The following CYLC1 variants were observed in gnomAD, a reference collection of about 807,000 sequenced individuals.
CYLC1 encodes cylicin 1, also known as cylicin-1.
A neutral mutation model predicts 31.6 loss-of-function variants in CYLC1; 2 were observed. That is an observed-to-expected ratio of 0.06 (90% CI 0.03 to 0.20). The LOEUF (loss-of-function observed/expected upper bound fraction) is 0.20. Ranked by LOEUF, CYLC1 falls within the 10% of genes least tolerant of loss-of-function variation. The pLI is 1.00. For synonymous variants in CYLC1, 185 were observed against 153.0 expected, an observed-to-expected ratio of 1.21 and a Z score of -1.54; for missense variants, 595 against 424.1, an observed-to-expected ratio of 1.40 and a Z score of -3.54.
intron 1 of CYLC1, among the ~76,000 whole-genome samples, chrX:83,867,962 T>C (rs1304911498): frequency 9.0e-6 from 1 of 111,536 alleles, no homozygotes; most frequent in Admixed American, 9.6e-5. Flanking sequence ...TGTCTAAGTT[T>C]GAGGATTAAA....
Position 83,873,326 on chromosome X carries a change from C to G in CYLC1, c.618C>G (p.Ser206=). The stretch of plus-strand genomic sequence containing the variant: ...AAGATAAGAAAGATTCAAAGAATTC[C>G]AAGAAGACAAACACTGAATTCCTAC... ...SQKDKKDSKN[S]KKTNTEFLHT... is the part of the protein sequence containing the mutation. Residue 206 remains serine (S), a synonymous_variant, in exon 4 of 5, where the codon TCC becomes TCG. Coordinates refer to ENST00000329312, the MANE Select transcript of CYLC1 (RefSeq NM_021118.3). The G allele has an allele frequency of 8.3e-7, 1 of 1,203,230 alleles. No individual in the cohort carries two copies. Among genetic ancestry groups the G allele is most frequent in the South Asian group, 1.8e-5 (1 of 55,877 alleles).
intron 4 of CYLC1, among the ~76,000 whole-genome samples, chrX:83,883,084 T>A (rs1329796619): frequency 9.0e-6 from 1 of 111,457 alleles, no homozygotes; most frequent in Non-Finnish European, 1.9e-5. Flanking sequence ...ATTACTGCCT[T>A]ATGCCTTCAT....
intron 4 of CYLC1, among the ~76,000 whole-genome samples, chrX:83,879,334 C>A (rs2031877308): frequency 9.1e-6 from 1 of 109,311 alleles, no homozygotes; most frequent in African/African-American, 3.4e-5. Context: ...TACACCATTT[C>A]CTTGTACAAG....
At chrX:83,878,324 TATATAAATATATATATAA>T (rs1475359031) in intron 4 of CYLC1, among the ~76,000 whole-genome samples, 3 of 46,701 alleles carry the variant, frequency 6.4e-5, no homozygotes, top group Non-Finnish European at 7.0e-5. Context: ...TATATATAAA[TATATAAATATATATATAA>T]ATATATAAAT....
At chrX:83,868,607 T>C (rs897605709) in intron 1 of CYLC1, among the ~76,000 whole-genome samples, 2 of 111,102 alleles carry the variant, frequency 1.8e-5, no homozygotes, top group African/African-American at 6.5e-5. Flanking sequence ...AATCACACTT[T>C]TCCCCTTGTA....
At chrX:83,865,448 T>A (rs889019698) in intron 1 of CYLC1, among the ~76,000 whole-genome samples, 3 of 111,949 alleles carry the variant, frequency 2.7e-5, no homozygotes, top group Middle Eastern at 4.6e-3. Flanking sequence ...TTATTTAGAT[T>A]ATTGCAAAAA....
Position 83,873,527 on chromosome X carries a change from A to C in CYLC1, c.819A>C (p.Ser273=), listed in dbSNP as rs1022918879. The part of the protein sequence containing the change: ...AWLRNYSQNN[S]KNYSLKYTKY... ...TAAGGAATTACTCACAGAATAATTC[A>C]AAGAATTATTCTTTGAAGTATACAA... The change falls in exon 4 of 5, where the codon TCA becomes TCC. Residue 273 remains serine, a synonymous_variant. Transcript: ENST00000329312. 3 of 1,192,490 alleles carry C rather than the reference A, an allele frequency of 2.5e-6. No homozygotes were observed. The Admixed American group carries it at 6.7e-5, about 27-fold the overall frequency.
In CYLC1 at chrX:83,874,144, A is replaced by C; in HGVS notation, c.1436A>C (p.Lys479Thr). 5 of 1,203,111 alleles carry C rather than the reference A, an allele frequency of 4.2e-6. No individual in the cohort carries two copies. Among genetic ancestry groups the C allele is most frequent in the Non-Finnish European group, 5.6e-6 (5 of 891,992 alleles). The change falls in exon 4 of 5, where the codon AAA (lysine) becomes ACA (threonine). Residue 479 changes from lysine to threonine, a missense_variant. Lys to Thr is a moderately conservative substitution (Grantham distance 78). Coordinates refer to ENST00000329312, the MANE Select transcript of CYLC1 (RefSeq NM_021118.3). ...KKDDKKKDAK[K>T]NAESTEMESD... Reference sequence around the variant, plus strand: ...GATGACAAAAAGAAGGATGCAAAGAAAAATGCAGAATCTACTGAAATGGAA... The same window carrying C: ...GATGACAAAAAGAAGGATGCAAAGACAAATGCAGAATCTACTGAAATGGAA...
Position 83,874,018 on chromosome X carries a change from T to A in CYLC1, c.1310T>A (p.Val437Asp). 8.4e-7 allele frequency: 1 copy of A among 1,194,499 alleles called. No individual in the cohort carries two copies. Among genetic ancestry groups the A allele is most frequent in the East Asian group, 3.0e-5 (1 of 33,380 alleles). The part of the protein sequence containing the change: ...KDSKTDNKKS[V>D]KNDEESTDAD... ...TCAAAGACAGATAATAAAAAGTCTG[T>A]CAAGAATGATGAAGAGTCTACTGAT... The change falls in exon 4 of 5, where the codon GTC (valine) becomes GAC (aspartate). Residue 437 changes from valine (V) to aspartate (D), a missense_variant. Coordinates refer to ENST00000329312, the MANE Select transcript of CYLC1 (RefSeq NM_021118.3).
At chrX:83,862,484 A>C (rs765716638) in intron 1 of CYLC1, among the ~76,000 whole-genome samples, 20 of 111,252 alleles carry the variant, frequency 1.8e-4, no homozygotes, top group Non-Finnish European at 3.4e-4. Context: ...CGGAGCTTGC[A>C]GTGAGCAGAG....
At chrX:83,865,996 C>T (rs760846961) in intron 1 of CYLC1, among the ~76,000 whole-genome samples, 1 of 111,247 alleles carries the variant, frequency 9.0e-6, no homozygotes, top group South Asian at 3.7e-4. Flanking sequence ...ACTAAACTAA[C>T]ATCTACAAAA....
At chrX:83,869,324 C>T (rs939241186) in intron 1 of CYLC1, among the ~76,000 whole-genome samples, 1 of 110,483 alleles carries the variant, frequency 9.1e-6, no homozygotes, top group Non-Finnish European at 1.9e-5. Flanking sequence ...AGGTATTAAG[C>T]CTGGTACCCA....
intron 4 of CYLC1, among the ~76,000 whole-genome samples, chrX:83,876,413 C>T (rs763660310): frequency 9.0e-6 from 1 of 110,768 alleles, no homozygotes; most frequent in Admixed American, 9.7e-5. Context: ...GACTCTTTTC[C>T]ACAGGCAGTT....
At position 83,873,549 on chromosome X, in the gene CYLC1, A is replaced by G; in HGVS notation, c.841A>G (p.Thr281Ala). ...NNSKNYSLKY[T>A]KYTKKDTKKN... ...TTCAAAGAATTATTCTTTGAAGTATACAAAGTATACAAAGAAGGACACAAA... is the reference window on the plus strand; with the variant it reads ...TTCAAAGAATTATTCTTTGAAGTATGCAAAGTATACAAAGAAGGACACAAA... Residue 281 changes from threonine to alanine, a missense_variant, in exon 4 of 5, where the codon ACA (threonine) becomes GCA (alanine). Coordinates refer to ENST00000329312, the MANE Select transcript of CYLC1 (RefSeq NM_021118.3). 8.4e-7 allele frequency: 1 copy of G among 1,193,568 alleles called. No homozygotes were observed.
At chrX:83,880,806 G>A (rs930252021) in intron 4 of CYLC1, among the ~76,000 whole-genome samples, 1 of 111,039 alleles carries the variant, frequency 9.0e-6, no homozygotes, top group African/African-American at 3.3e-5. Flanking sequence ...TTTCATCCAG[G>A]TTATATGAGC....
At chrX:83,871,399 C>G (rs2031662006) in intron 2 of CYLC1, 53 bp from the exon 3 acceptor site, 1 of 880,917 alleles carries the variant, frequency 1.1e-6, no homozygotes, top group Non-Finnish European at 1.7e-6. Flanking sequence ...TAATTCAGGT[C>G]TGTGGAAAAT....
chrX:83,886,649 T>A lies in CYLC1; in HGVS notation c.*65T>A. On this transcript the variant is annotated 3_prime_UTR_variant, in exon 5 of 5. Transcript: ENST00000329312. ...ACAGTAAGCACCACCTACTCTCAAA[T>A]GAGCATTTCTACCTCTGTGGAACTG... 1.1e-6 allele frequency: 1 copy of A among 945,175 alleles called. No individual in the cohort carries two copies. Among genetic ancestry groups the A allele is most frequent in the South Asian group, 2.1e-5 (1 of 47,873 alleles). The allele number at this position is 945,175 out of a possible 1,213,427, so 77.9% of individuals were successfully genotyped here.
chrX:83,874,516 C>T lies in CYLC1; in HGVS notation c.1808C>T (p.Ser603Leu), dbSNP rs1294671951. The T allele has an allele frequency of 4.1e-6, 5 of 1,209,964 alleles. No homozygotes were observed. The highest frequency in any genetic ancestry group is 5.6e-6 in the Non-Finnish European group (5 of 894,668). ...EKASTGRVPP[S>L]REKPPLPACE... The stretch of plus-strand genomic sequence containing the variant: ...GCAAGTACAGGTAGAGTTCCTCCAT[C>T]AAGAGAAAAACCACCACTCCCTGCT... The change falls in exon 4 of 5, where the codon TCA (serine) becomes TTA (leucine). Residue 603 changes from serine (S) to leucine (L), a missense_variant. Transcript: ENST00000329312.
In CYLC1 at chrX:83,873,492, G is replaced by C. The variant is rs2031705624; in HGVS notation, c.784G>C (p.Asp262His). 8.4e-7 allele frequency: 1 copy of C among 1,189,068 alleles called. No individual in the cohort carries two copies. Among genetic ancestry groups the C allele is most frequent in the African/African-American group, 1.8e-5 (1 of 56,184 alleles). ...GTCTGATGATGAATCCATAAATTTT[G>C]ATGCATGGTTAAGGAATTACTCACA... Reference protein sequence around the residue: ...GQSDDESINFDAWLRNYSQNN... With the variant: ...GQSDDESINFHAWLRNYSQNN... The change falls in exon 4 of 5, where the codon GAT becomes CAT. Residue 262 changes from aspartate (D) to histidine (H), a missense_variant. Physicochemically the swap from Asp to His is moderately conservative, Grantham distance 81. Coordinates refer to ENST00000329312, the MANE Select transcript of CYLC1 (RefSeq NM_021118.3).
Sources: gnomAD v4.1 joint callset for allele counts (sites outside exome capture counted in the v4.1 genomes callset) on GRCh38, gnomAD v4.1.1 for gene constraint, MANE v1.5 for transcripts, NCBI Gene and HGNC (gene_info 2026-07-23, HGNC 2026-07-21) for gene names.